Variants in ZNF475 observed in about 807,000 individuals in gnomAD.
ZNF475 encodes the protein zinc finger protein 475.
the ZNF475 span, among the ~76,000 whole-genome samples, chr5:122,166,383 A>C: frequency 6.6e-6 from 1 of 152,154 alleles, no homozygotes; most frequent in African/African-American, 2.4e-5. Flanking sequence ...TCTAGGGTAC[A>C]TTTGCACAAC....
the ZNF475 span, among the ~76,000 whole-genome samples, chr5:122,180,421 C>T: frequency 5.9e-5 from 9 of 152,356 alleles, no homozygotes; most frequent in Admixed American, 2.6e-4. Flanking sequence ...CACATTTAAT[C>T]ATTTGTAAAG....
chr5:122,163,763 T>C, the ZNF475 span, among the ~76,000 whole-genome samples: 7 of 152,026 alleles, frequency 4.6e-5, no homozygotes, highest in African/African-American at 1.7e-4. Flanking sequence ...CCCCAGAGAG[T>C]AAATGACTCA....
the ZNF475 span, among the ~76,000 whole-genome samples, chr5:122,173,669 A>G: frequency 6.6e-6 from 1 of 152,210 alleles, no homozygotes; most frequent in Non-Finnish European, 1.5e-5. Context: ...AAATAATTGA[A>G]AACATATGAA....
At chr5:122,170,775 T>C in the ZNF475 span, among the ~76,000 whole-genome samples, 2 of 152,154 alleles carry the variant, frequency 1.3e-5, no homozygotes, top group African/African-American at 4.8e-5. Flanking sequence ...GATCAGGCCT[T>C]GGTCATTCTG....
chr5:122,179,738 C>A, the ZNF475 span: 1 of 1,486,616 alleles, frequency 6.7e-7, no homozygotes, highest in South Asian at 1.3e-5. Flanking sequence ...CTGGTAAGTT[C>A]CTAGAAAAAA....
the ZNF475 span, among the ~76,000 whole-genome samples, chr5:122,164,924 C>A: frequency 6.6e-5 from 10 of 152,068 alleles, no homozygotes; most frequent in African/African-American, 1.9e-4. Context: ...AGAGATAGAG[C>A]TTTGGACAAA....
the ZNF475 span, chr5:122,179,824 C>T: frequency 1.8e-4 from 161 of 905,786 alleles, no homozygotes; most frequent in South Asian, 6.7e-4. Context: ...CTTGTTCAAA[C>T]GACCAAAATC....
the ZNF475 span, chr5:122,182,446 TTTTTTTTC>T: frequency 4.4e-4 from 623 of 1,418,048 alleles, 1 homozygote; most frequent in Non-Finnish European, 5.7e-4. Context: ...TTTTTGGTAT[TTTTTTTTC>T]TTTTTTTCTT....
At chr5:122,162,677 GC>G in the ZNF475 span, among the ~76,000 whole-genome samples, 1 of 152,036 alleles carries the variant, frequency 6.6e-6, no homozygotes, top group Non-Finnish European at 1.5e-5. Flanking sequence ...TTGCCTTTTA[GC>G]ACCTTCTGCA....
chr5:122,162,450 T>G, the ZNF475 span: 2 of 152,220 alleles, frequency 1.3e-5, no homozygotes, highest in African/African-American at 4.8e-5. Context: ...AACTCTGCAA[T>G]TGTTAAGGTT....
chr5:122,167,103 G>A, the ZNF475 span, among the ~76,000 whole-genome samples: 1 of 151,928 alleles, frequency 6.6e-6, no homozygotes, highest in Admixed American at 6.6e-5. Context: ...TTTTGTATAA[G>A]GTGTAAGGAA....
At chr5:122,161,374 C>A in the ZNF475 span, among the ~76,000 whole-genome samples, 55 of 152,142 alleles carry the variant, frequency 3.6e-4, no homozygotes, top group East Asian at 9.1e-3. Context: ...ATAAAGGTAT[C>A]ACTGGTCCCA....
the ZNF475 span, among the ~76,000 whole-genome samples, chr5:122,175,430 T>C: frequency 6.6e-6 from 1 of 152,292 alleles, no homozygotes; most frequent in South Asian, 2.1e-4. Flanking sequence ...CTAAAGAGCA[T>C]ATTGAAAAAA....
At chr5:122,175,631 C>G in the ZNF475 span, among the ~76,000 whole-genome samples, 1 of 152,188 alleles carries the variant, frequency 6.6e-6, no homozygotes, top group African/African-American at 2.4e-5. Flanking sequence ...ACTTAGAAGA[C>G]TAAGTCCATG....
chr5:122,182,610 C>T, the ZNF475 span: 3 of 1,535,190 alleles, frequency 2.0e-6, no homozygotes, highest in South Asian at 3.6e-5. Context: ...GATTGTTCAC[C>T]AACGATCTTG....
chr5:122,167,289 C>G, the ZNF475 span, among the ~76,000 whole-genome samples: 4 of 152,092 alleles, frequency 2.6e-5, no homozygotes, highest in Non-Finnish European at 5.9e-5. Flanking sequence ...TTGATGAAAT[C>G]TTATGTAAAT....
chr5:122,166,628 G>A, the ZNF475 span, among the ~76,000 whole-genome samples: 7 of 152,042 alleles, frequency 4.6e-5, no homozygotes, highest in South Asian at 6.2e-4. Context: ...TGAAAATGAC[G>A]GTTTCCAGCT....
At chr5:122,174,410 G>A in the ZNF475 span, among the ~76,000 whole-genome samples, 34 of 152,260 alleles carry the variant, frequency 2.2e-4, no homozygotes, top group Admixed American at 1.6e-3. Flanking sequence ...TCAGACCCAC[G>A]TGGATGTATT....
At chr5:122,175,814 T>A in the ZNF475 span, among the ~76,000 whole-genome samples, 2 of 152,202 alleles carry the variant, frequency 1.3e-5, no homozygotes, top group Non-Finnish European at 2.9e-5. Flanking sequence ...CCTATACTCT[T>A]TTCCTCTCTG....
Sources: gnomAD v4.1 joint callset for allele counts (sites outside exome capture counted in the v4.1 genomes callset) on GRCh38, gnomAD v4.1.1 for gene constraint, MANE v1.5 for transcripts, NCBI Gene and HGNC (gene_info 2026-07-23, HGNC 2026-07-21) for gene names.